The following ADAM8 variants were observed in gnomAD, a reference collection of about 807,000 sequenced individuals.
ADAM8 encodes ADAM metallopeptidase domain 8, also known as disintegrin and metalloproteinase domain-containing protein 8.
ADAM8 carries 104 observed loss-of-function variants against 102.4 expected under a neutral mutation model. The observed-to-expected ratio is 1.02, with a 90% confidence interval of 0.87 to 1.20. The LOEUF is 1.20. ADAM8 is among the 50% of genes most tolerant of loss of function. ADAM8 has a pLI of 0.00. For missense variants in ADAM8, 1,132 were observed against 1,159.0 expected, an observed-to-expected ratio of 0.98 and a Z score of 0.34; for synonymous variants, 517 against 485.2, an observed-to-expected ratio of 1.07 and a Z score of -0.86.
At chr10:133,264,544 T>C (rs1405474070) in intron 21 of ADAM8, among the ~76,000 whole-genome samples, 3 of 152,226 alleles carry the variant, frequency 2.0e-5, no homozygotes, top group Non-Finnish European at 2.9e-5. Flanking sequence ...GGCTAAGCAT[T>C]TGCAGTTTTC....
Position 133,271,020 on chromosome 10 carries a change from G to A in ADAM8, c.1425C>T (p.Leu475=), listed in dbSNP as rs558464821. The change falls in exon 14 of 23, where the codon CTC becomes CTT. Residue 475 remains leucine, a synonymous_variant. Transcript: ENST00000445355. The stretch of plus-strand genomic sequence containing the variant: ...GGTGCCGGCCGTCACAGAACTCCTC[G>A]AGGTCACACATGTCCTTCTTGGGAC... The part of the protein sequence containing the change: ...LCRPKKDMCD[L]EEFCDGRHPE... 86 of 1,612,780 alleles carry A rather than the reference G, an allele frequency of 5.3e-5. No individual in the cohort carries two copies. The East Asian group carries it at 7.6e-4, about 14-fold the overall frequency.
Position 133,273,257 on chromosome 10 carries a change from G to A in ADAM8, c.570C>T (p.Pro190=), listed in dbSNP as rs374243861. The change falls in exon 6 of 23, where the codon CCC becomes CCT. Residue 190 remains proline (P), a synonymous_variant. Coordinates refer to ENST00000445355, the MANE Select transcript of ADAM8 (RefSeq NM_001109.5). ...PRTAAVFRPR[P]GDSLPSRETR... is the part of the protein sequence containing the mutation. ...CACAGGAGACAAGGGTGCTCACCCC[G>A]GGCCGAGGCCTGAAGACGGCTGCCG... is the stretch of plus-strand genomic sequence containing the variant. 908 of 1,602,162 alleles carry A rather than the reference G, an allele frequency of 5.7e-4. 2 individuals carry two copies. The highest frequency in any genetic ancestry group is 7.1e-4 in the Non-Finnish European group (829 of 1,175,664).
At position 133,273,278 on chromosome 10, in the gene ADAM8, T is replaced by A; in HGVS notation, c.549A>T (p.Ala183=). ...SLGSLLGPRT[A]AVFRPRPGDS... is the part of the protein sequence containing the mutation. ...CCCCGGGCCGAGGCCTGAAGACGGCTGCCGTCCGGGGTCCCAGGAGGCTGC... is the reference window on the plus strand; with the variant it reads ...CCCCGGGCCGAGGCCTGAAGACGGCAGCCGTCCGGGGTCCCAGGAGGCTGC... Residue 183 remains alanine (A), a synonymous_variant, in exon 6 of 23, where the codon GCA becomes GCT. Transcript: ENST00000445355. The A allele has an allele frequency of 6.2e-7, 1 of 1,600,812 alleles. No individual in the cohort carries two copies. The highest frequency in any genetic ancestry group is 8.5e-7 in the Non-Finnish European group (1 of 1,175,206).
intron 12 of ADAM8, 51 bp from the exon 13 acceptor site, chr10:133,271,340 T>A: frequency 6.4e-7 from 1 of 1,574,640 alleles, no homozygotes; most frequent in Non-Finnish European, 8.6e-7. Flanking sequence ...CGGGCTGGGC[T>A]CCAGGGCGGA....
intron 18 of ADAM8, chr10:133,269,066 G>C: frequency 1.0e-6 from 1 of 985,488 alleles, no homozygotes; most frequent in South Asian, 4.7e-5. Flanking sequence ...GGGCCACAGT[G>C]CTGTGGGCAC....
chr10:133,269,867 A>G, intron 17 of ADAM8, 30 bp downstream of exon 17: 1 of 1,610,498 alleles, frequency 6.2e-7, no homozygotes, highest in South Asian at 1.1e-5. Context: ...GCCTCTGTGC[A>G]GGGGCCCTGT....
chr10:133,269,934 C>A lies in ADAM8; in HGVS notation c.1826G>T (p.Arg609Ile). 1 of 1,612,794 alleles carries A rather than the reference C, an allele frequency of 6.2e-7. No homozygotes were observed. Among genetic ancestry groups the A allele is most frequent in the Admixed American group, 1.7e-5 (1 of 60,028 alleles). Reference protein sequence around the residue: ...KGRCQDLHVYRSSNCSAQCHN... With the variant: ...KGRCQDLHVYISSNCSAQCHN... ...GCACTGGGCAGAGCAGTTGCTGGAT[C>A]TGTAAACGTGTAAGTCCTGGCAACG... Residue 609 changes from arginine (R) to isoleucine (I), a missense_variant, in exon 17 of 23, where the codon AGA becomes ATA. By Grantham distance (97) the Arg-to-Ile change is moderately conservative. Coordinates refer to ENST00000445355, the MANE Select transcript of ADAM8 (RefSeq NM_001109.5).
chr10:133,273,054 C>G, intron 6 of ADAM8, 35 bp from the exon 7 acceptor site: 1 of 1,612,618 alleles, frequency 6.2e-7, no homozygotes, highest in Non-Finnish European at 8.5e-7. Context: ...GTCAGCCTTC[C>G]CAGCGCCGGG....
rs1477202290 is a variant in ADAM8 at position 133,273,417 on chromosome 10, A to G, written c.410T>C (p.Leu137Pro). 1 of 1,544,076 alleles carries G rather than the reference A, an allele frequency of 6.5e-7. No individual in the cohort carries two copies. ...LRGFFQVGSD[L>P]HLIEPLDEGG... is the part of the protein sequence containing the mutation. ...TTCATCCAGGGGCTCGATCAGGTGC[A>G]GGTCTGACCCCACCTGGAAGAAACC... The change falls in exon 6 of 23, where the codon CTG becomes CCG. Residue 137 changes from leucine to proline, a missense_variant. Transcript: ENST00000445355.
chr10:133,275,065 C>G, intron 2 of ADAM8: 1 of 283,874 alleles, frequency 3.5e-6, no homozygotes, highest in South Asian at 3.1e-5. Flanking sequence ...AGGAATCACC[C>G]TCGGGCAGCC....
chr10:133,267,218 G>T, intron 21 of ADAM8, 134 bp downstream of exon 21: 1 of 1,011,602 alleles, frequency 9.9e-7, no homozygotes, highest in Non-Finnish European at 1.5e-6. Flanking sequence ...CACGAGGTCG[G>T]GCTAACCAGC....
At chr10:133,266,707 C>G (rs887893709) in intron 21 of ADAM8, among the ~76,000 whole-genome samples, 1 of 152,230 alleles carries the variant, frequency 6.6e-6, no homozygotes, top group Non-Finnish European at 1.5e-5. Flanking sequence ...TTCTGCTGCC[C>G]TAGCTGAGTC....
At position 133,269,918 on chromosome 10, in the gene ADAM8, A is replaced by G. The variant is rs926777936; in HGVS notation, c.1842T>C (p.Ser614=). The change falls in exon 17 of 23, where the codon TCT becomes TCC. Residue 614 remains serine, a synonymous_variant. Coordinates refer to ENST00000445355, the MANE Select transcript of ADAM8 (RefSeq NM_001109.5). ...ATACCCCATGGTTGTGGCACTGGGC[A>G]GAGCAGTTGCTGGATCTGTAAACGT... is the stretch of plus-strand genomic sequence containing the variant. ...DLHVYRSSNC[S]AQCHNHGVCN... The G allele has an allele frequency of 3.1e-6, 5 of 1,612,680 alleles. No homozygotes were observed. Among genetic ancestry groups the G allele is most frequent in the Non-Finnish European group, 3.4e-6 (4 of 1,179,970 alleles).
At chr10:133,269,264 C>T (rs534278615) in intron 18 of ADAM8, 181 bp downstream of exon 18, 2 of 899,498 alleles carry the variant, frequency 2.2e-6, no homozygotes, top group African/African-American at 3.6e-5. Flanking sequence ...CAGGGCTCTC[C>T]CCTCCTCACA....
At chr10:133,274,461 G>A (rs1438619766) in intron 2 of ADAM8, among the ~76,000 whole-genome samples, 1 of 117,440 alleles carries the variant, frequency 8.5e-6, no homozygotes, top group East Asian at 3.2e-4. Context: ...AGAGTGGAGG[G>A]TGGAGGGTGG....
intron 21 of ADAM8, among the ~76,000 whole-genome samples, chr10:133,265,211 T>G (rs1356053439): frequency 2.2e-5 from 3 of 134,454 alleles, no homozygotes; most frequent in Non-Finnish European, 4.7e-5. Context: ...CTCTGCCCCA[T>G]CTACCTCCAC....
intron 16 of ADAM8, 117 bp from the exon 17 acceptor site, chr10:133,270,091 G>A: frequency 7.9e-7 from 1 of 1,273,342 alleles, no homozygotes; most frequent in Admixed American, 1.9e-5. Context: ...AGGTGGCTGT[G>A]CTTCAGCCCA....
Position 133,272,215 on chromosome 10 carries a change from TG to T in ADAM8, c.934del (p.His312ThrfsTer6). 1 of 1,549,244 alleles carries T rather than the reference TG, an allele frequency of 6.5e-7. No homozygotes were observed. Among genetic ancestry groups the T allele is most frequent in the Non-Finnish European group, 8.7e-7 (1 of 1,146,322 alleles). The stretch of plus-strand genomic sequence containing the variant: ...CACCTGGTTCACAGCCCCTGAGCTG[TG>T]GGAGCACATGGCGGACACCCTGGCA... ...GFARVSAMCS[H>X]SSGAVNQDHS... On this transcript the variant is annotated frameshift_variant, in exon 10 of 23. Transcript: ENST00000445355. LOFTEE classifies it high-confidence loss of function.
Position 133,263,689 on chromosome 10 carries a change from T to C in ADAM8, c.2396A>G (p.Glu799Gly), listed in dbSNP as rs1277571091. ...GCCTGGTGTGTGCTGGGGCCTCACCTCAGCTGGACCAGGGTTGGCCGCACC... is the reference window on the plus strand; with the variant it reads ...GCCTGGTGTGTGCTGGGGCCTCACCCCAGCTGGACCAGGGTTGGCCGCACC... ...GAGAANPGPAEGAVGPKVALK... is the reference protein window; with the variant it reads ...GAGAANPGPAGGAVGPKVALK... Residue 799 changes from glutamate (E) to glycine (G), a missense_variant and splice_region_variant, in exon 22 of 23, where the codon GAG becomes GGG. Transcript: ENST00000445355. 5.1e-6 allele frequency: 8 copies of C among 1,553,956 alleles called. No individual in the cohort carries two copies. The highest frequency in any genetic ancestry group is 7.0e-6 in the Non-Finnish European group (8 of 1,148,780).
Sources: allele counts gnomAD v4.1 joint callset (sites outside exome capture counted in the v4.1 genomes callset), GRCh38; gene constraint gnomAD v4.1.1; transcripts MANE v1.5; gene names NCBI Gene and HGNC (gene_info 2026-07-23, HGNC 2026-07-21).